The following HERC4 variants were observed in gnomAD, a reference collection of about 807,000 sequenced individuals.
The protein encoded by HERC4 is probable E3 ubiquitin-protein ligase HERC4.
A neutral mutation model predicts 124.3 loss-of-function variants in HERC4; 28 were observed. The ratio of observed to expected loss-of-function variants is 0.23; its 90% CI spans 0.17 to 0.31. The LOEUF (loss-of-function observed/expected upper bound fraction) is 0.31, where lower values mean the gene tolerates loss of function less well. Among genes scored for constraint, HERC4 ranks in the 10% least tolerant of loss-of-function variants. The pLI is 1.00. For missense variants in HERC4, 713 were observed against 1,229.3 expected (o/e 0.58, Z 6.28); for synonymous variants, 407 against 421.5 (o/e 0.97, Z 0.42).
At position 68,025,645 on chromosome 10, in the gene HERC4, C is replaced by A. The variant is rs770544423; in HGVS notation, c.809G>T (p.Gly270Val). ...AGAATTATGGCCCAACTGACCATAC[C>A]CTCCAGCTCCAAAAGTAAACACTCC... ...EGGVFTFGAG[G>V]YGQLGHNSTS... Residue 270 changes from glycine (G) to valine (V), a missense_variant, in exon 8 of 25, where the codon GGG (glycine) becomes GTG (valine). By Grantham distance (109) the Gly-to-Val change is moderately radical. Transcript: ENST00000373700. 6.2e-7 allele frequency: 1 copy of A among 1,613,126 alleles called. No individual in the cohort carries two copies. The highest frequency in any genetic ancestry group is 8.5e-7 in the Non-Finnish European group (1 of 1,179,578).
rs753760284 is a variant in HERC4, at chr10:68,010,201, AC to A, written c.1069+3824del. ...GTATCCCATTCCTAGAAGGGCAGGC[AC>A]CTCAGTTTGAATGCATGGGAGAGCC... On this transcript the variant is annotated intron_variant, in intron 9 of 24. Coordinates refer to ENST00000373700, the MANE Select transcript of HERC4 (RefSeq NM_015601.4). 7.7e-4 allele frequency: 822 copies of A among 1,068,900 alleles called. 4 individuals carry two copies. Among genetic ancestry groups the A allele is most frequent in the Middle Eastern group, 3.1e-3 (11 of 3,598 alleles). The allele number at this position is 1,068,900 out of a possible 1,614,324, so 66.2% of individuals were successfully genotyped here.
At chr10:68,019,693 T>A (rs2038491374) in intron 8 of HERC4, among the ~76,000 whole-genome samples, 1 of 152,186 alleles carries the variant, frequency 6.6e-6, no homozygotes. Context: ...AATTTCAACT[T>A]CGGATCTTAG....
At chr10:67,940,017 C>T (rs1488065148) in intron 20 of HERC4, among the ~76,000 whole-genome samples, 3 of 152,032 alleles carry the variant, frequency 2.0e-5, no homozygotes, top group Non-Finnish European at 4.4e-5. Flanking sequence ...ACCTCTGCCC[C>T]CTGGGTTTTT....
intron 15 of HERC4, 110 bp from the exon 16 acceptor site, chr10:67,966,912 T>C: frequency 2.8e-6 from 2 of 710,818 alleles, no homozygotes; most frequent in Non-Finnish European, 4.1e-6. Flanking sequence ...TGGAGTGCAG[T>C]GGCACAATCT....
intron 3 of HERC4, among the ~76,000 whole-genome samples, chr10:68,056,310 C>T (rs545111476): frequency 6.6e-5 from 10 of 152,234 alleles, no homozygotes; most frequent in African/African-American, 2.4e-4. Flanking sequence ...TATGATCTTC[C>T]TTTCCTAAGA....
chr10:67,926,416 T>TAAAAAAAAAAAAAAAA (rs11305276), intron 23 of HERC4, among the ~76,000 whole-genome samples: 1 of 119,436 alleles, frequency 8.4e-6, no homozygotes, highest in African/African-American at 3.1e-5. Context: ...AAATAAAAAA[T>TAAAAAAAAAAAAAAAA]AAAAAAAAAA....
Position 67,966,701 on chromosome 10 carries a change from T to A in HERC4, c.1908A>T (p.Gln636His), listed in dbSNP as rs776312303. The change falls in exon 16 of 25, where the codon CAA (glutamine) becomes CAT (histidine). Residue 636 changes from glutamine to histidine, a missense_variant. Coordinates refer to ENST00000373700, the MANE Select transcript of HERC4 (RefSeq NM_015601.4). ...AACCTACCATTCCATAGGCCTGCTG[T>A]TGGACCCAGTTGATATAATCATTTC... is the stretch of plus-strand genomic sequence containing the variant. ...DIRNDYINWV[Q>H]QQAYGMLADI... 1.9e-6 allele frequency: 3 copies of A among 1,610,086 alleles called. No homozygotes were observed. The highest frequency in any genetic ancestry group is 2.5e-6 in the Non-Finnish European group (3 of 1,178,524).
intron 19 of HERC4, among the ~76,000 whole-genome samples, chr10:67,951,159 A>C (rs1037382119): frequency 6.6e-6 from 1 of 152,142 alleles, no homozygotes; most frequent in Non-Finnish European, 1.5e-5. Flanking sequence ...GTCTCAAAAC[A>C]TTATCTCTTT....
chr10:68,055,228 C>G (rs2040493166), intron 3 of HERC4, among the ~76,000 whole-genome samples: 2 of 152,142 alleles, frequency 1.3e-5, no homozygotes, highest in Non-Finnish European at 2.9e-5. Context: ...AAGAAACAAA[C>G]AAAACTAAAA....
chr10:68,015,335 C>T (rs2038198077), intron 8 of HERC4, among the ~76,000 whole-genome samples: 1 of 152,208 alleles, frequency 6.6e-6, no homozygotes, highest in African/African-American at 2.4e-5. Context: ...TCATCTAAGT[C>T]AGCTAAGATG....
At chr10:67,956,597 T>C (rs1434505492) in intron 17 of HERC4, 1 of 207,870 alleles carries the variant, frequency 4.8e-6, no homozygotes, top group Admixed American at 5.7e-5. Context: ...AGTAAACTAG[T>C]AAAACGGTTT....
chr10:68,008,274 A>C (rs1014706089), intron 9 of HERC4, among the ~76,000 whole-genome samples: 2 of 152,238 alleles, frequency 1.3e-5, no homozygotes, highest in Admixed American at 6.5e-5. Flanking sequence ...GGTCTCACCC[A>C]AAGCATGTAG....
chr10:68,014,244 G>T, intron 8 of HERC4, 58 bp from the exon 9 acceptor site: 1 of 1,375,044 alleles, frequency 7.3e-7, no homozygotes, highest in Non-Finnish European at 9.7e-7. Flanking sequence ...AATTTACAAT[G>T]ACAAAAGCAG....
At chr10:68,020,927 A>T (rs1022619204) in intron 8 of HERC4, among the ~76,000 whole-genome samples, 1 of 152,098 alleles carries the variant, frequency 6.6e-6, no homozygotes, top group African/African-American at 2.4e-5. Flanking sequence ...AGAAAATCTT[A>T]AAAAAAGTGC....
intron 15 of HERC4, among the ~76,000 whole-genome samples, chr10:67,983,794 A>AAG (rs2036087656): frequency 6.7e-6 from 1 of 149,932 alleles, no homozygotes; most frequent in Non-Finnish European, 1.5e-5. Context: ...CTCAAAAAAA[A>AAG]AAAAAAAAAA....
intron 23 of HERC4, among the ~76,000 whole-genome samples, chr10:67,928,783 A>C (rs1212784954): frequency 1.3e-5 from 2 of 152,120 alleles, no homozygotes; most frequent in Non-Finnish European, 2.9e-5. Context: ...ATCAGCCGGG[A>C]ATAGTGGCAT....
At chr10:68,002,731 T>C (rs1369243540) in intron 9 of HERC4, among the ~76,000 whole-genome samples, 1 of 151,776 alleles carries the variant, frequency 6.6e-6, no homozygotes, top group Admixed American at 6.6e-5. Flanking sequence ...CCTGAGTAGC[T>C]TGGACTACAG....
intron 9 of HERC4, among the ~76,000 whole-genome samples, chr10:68,013,543 A>G (rs940237702): frequency 6.6e-6 from 1 of 152,228 alleles, no homozygotes; most frequent in Non-Finnish European, 1.5e-5. Flanking sequence ...TCAAATTCAT[A>G]AAGACATAAA....
intron 9 of HERC4, among the ~76,000 whole-genome samples, chr10:67,999,410 C>T (rs985877187): frequency 1.3e-5 from 2 of 152,166 alleles, no homozygotes; most frequent in East Asian, 3.9e-4. Flanking sequence ...GAAGACTCTC[C>T]TACAAGCTAC....
Sources: gnomAD v4.1 joint callset for allele counts (sites outside exome capture counted in the v4.1 genomes callset) on GRCh38, gnomAD v4.1.1 for gene constraint, MANE v1.5 for transcripts, NCBI Gene and HGNC (gene_info 2026-07-23, HGNC 2026-07-21) for gene names.